The following CD3G variants were observed in gnomAD, a reference collection of about 807,000 sequenced individuals.
CD3G encodes the protein T-cell surface glycoprotein CD3 gamma chain.
CD3G carries 24 observed loss-of-function variants against 28.3 expected under a neutral mutation model. The observed-to-expected ratio is 0.85, with a 90% CI of 0.61 to 1.19. The LOEUF (loss-of-function observed/expected upper bound fraction) is 1.19, where lower values mean the gene tolerates loss of function less well. Ranked by LOEUF, CD3G falls within the 50% of genes most tolerant of loss-of-function variation. The probability of loss-of-function intolerance (pLI) is 0.00; values close to 1 mark genes in which losing one functional copy is unlikely to be tolerated. For synonymous variants in CD3G, 71 were observed against 75.9 expected (o/e 0.93, Z 0.34); for missense variants, 211 against 210.0 (o/e 1.00, Z -0.03).
In CD3G at chr11:118,353,379, A is replaced by G. The variant is rs1948425803; in HGVS notation, c.*279A>G. 6.6e-6 allele frequency: 1 copy of G among 152,182 alleles called. No homozygotes were observed. Among genetic ancestry groups the G allele is most frequent in the Non-Finnish European group, 1.5e-5 (1 of 68,040 alleles). 9.4% of individuals were successfully genotyped at this position (152,182 alleles called of 1,614,324 possible). A position where few individuals can be genotyped will look rare whatever the true frequency, so the allele number is the denominator to read the frequency against. The stretch of plus-strand genomic sequence containing the variant: ...ATCAAATAACCCCCTGGATTTGAAT[A>G]TAATTTTTTGTGTTGTAATTTTTAT... On this transcript the variant is annotated 3_prime_UTR_variant, in exon 7 of 7. Coordinates refer to ENST00000532917, the MANE Select transcript of CD3G (RefSeq NM_000073.3).
chr11:118,348,730 C>T, intron 1 of CD3G, among the ~76,000 whole-genome samples: 1 of 152,148 alleles, frequency 6.6e-6, no homozygotes, highest in East Asian at 1.9e-4. Context: ...TGCATAAACT[C>T]AGGTATGGTC....
At chr11:118,349,623 T>C in intron 2 of CD3G, 120 bp from the exon 3 acceptor site, 1 of 810,904 alleles carries the variant, frequency 1.2e-6, no homozygotes, top group South Asian at 1.5e-5. Flanking sequence ...AAGATCCCCA[T>C]GTGATTCATG....
intron 4 of CD3G, among the ~76,000 whole-genome samples, chr11:118,351,133 G>A (rs1948406309): frequency 7.0e-6 from 1 of 143,828 alleles, no homozygotes; most frequent in Non-Finnish European, 1.5e-5. Context: ...GCTTGCGTGA[G>A]CCGAGATCGT....
At chr11:118,352,532 C>A in intron 6 of CD3G, 45 bp downstream of exon 6, 3 of 1,287,856 alleles carry the variant, frequency 2.3e-6, no homozygotes, top group Non-Finnish European at 2.3e-6. Context: ...CTTGCATCAA[C>A]TGCCCTCGCA....
At chr11:118,351,600 G>C in intron 4 of CD3G, 28 bp from the exon 5 acceptor site, 1 of 1,612,836 alleles carries the variant, frequency 6.2e-7, no homozygotes, top group East Asian at 2.2e-5. Context: ...ATTCTACCTT[G>C]TGTGGATTCT....
intron 4 of CD3G, 69 bp from the exon 5 acceptor site, chr11:118,351,559 C>T: frequency 7.1e-7 from 1 of 1,402,744 alleles, no homozygotes; most frequent in Admixed American, 1.7e-5. Context: ...TTTAGTATTC[C>T]ATTTTGTGAA....
chr11:118,350,889 G>GAA (rs372079196), intron 4 of CD3G: 16,584 of 616,320 alleles, frequency 0.027, 340 homozygotes, highest in South Asian at 0.029. Flanking sequence ...CTCCCTCTGT[G>GAA]AAAAAAAAAA....
intron 4 of CD3G, among the ~76,000 whole-genome samples, chr11:118,351,251 A>G (rs1039659736): frequency 1.1e-4 from 16 of 144,810 alleles, no homozygotes; most frequent in Non-Finnish European, 3.0e-5. Context: ...AATCACAAGC[A>G]TACAGCTCAA....
intron 5 of CD3G, among the ~76,000 whole-genome samples, 167 bp from the exon 6 acceptor site, chr11:118,352,237 A>T (rs558284469): frequency 7.8e-4 from 119 of 151,720 alleles, no homozygotes; most frequent in African/African-American, 2.7e-3. Flanking sequence ...AGAGAGAGAG[A>T]GAAAAAGAAA....
chr11:118,351,624 G>A lies in CD3G; in HGVS notation c.440-4G>A, dbSNP rs1221979768. 6 of 1,613,552 alleles carry A rather than the reference G, an allele frequency of 3.7e-6. No homozygotes were observed. The highest frequency in any genetic ancestry group is 5.1e-6 in the Non-Finnish European group (6 of 1,179,850). On this transcript the variant is annotated splice_polypyrimidine_tract_variant and splice_region_variant and intron_variant, in intron 4 of 6. Coordinates refer to ENST00000532917, the MANE Select transcript of CD3G (RefSeq NM_000073.3). ...TGTGTGGATTCTGTTTCTTTTTTGT[G>A]CAGCTTCAGACAAGCAGACTCTGTT...
chr11:118,350,403 T>G (rs1295739426), intron 3 of CD3G, 149 bp from the exon 4 acceptor site: 3 of 731,990 alleles, frequency 4.1e-6, no homozygotes, highest in Non-Finnish European at 7.4e-6. Context: ...TGCATTGAGT[T>G]TTGGCGCAAG....
chr11:118,349,780 T>C lies in CD3G; in HGVS notation c.117T>C (p.Asp39=), dbSNP rs1175670939. The change falls in exon 3 of 7, where the codon GAT becomes GAC. Residue 39 remains aspartate (D), a synonymous_variant. Transcript: ENST00000532917. ...TTAAGGTGTATGACTATCAAGAAGA[T>C]GGTTCGGTACTTCTGACTTGTGATG... is the stretch of plus-strand genomic sequence containing the variant. ...HLVKVYDYQE[D]GSVLLTCDAE... 1 of 1,614,032 alleles carries C rather than the reference T, an allele frequency of 6.2e-7. No homozygotes were observed. Among genetic ancestry groups the C allele is most frequent in the Non-Finnish European group, 8.5e-7 (1 of 1,180,008 alleles).
chr11:118,348,107 G>A (rs1445037050), intron 1 of CD3G, among the ~76,000 whole-genome samples: 1 of 152,184 alleles, frequency 6.6e-6, no homozygotes, highest in Non-Finnish European at 1.5e-5. Flanking sequence ...GAGTGTTCTG[G>A]ACTGGATAGG....
At chr11:118,349,642 A>C in intron 2 of CD3G, 101 bp from the exon 3 acceptor site, 1 of 926,964 alleles carries the variant, frequency 1.1e-6, no homozygotes, top group East Asian at 2.5e-5. Context: ...TGTGCACATC[A>C]AAGTTTGAGA....
Position 118,344,372 on chromosome 11 carries a change from TGGC to T in CD3G, c.-51_-49del. 1 of 1,502,236 alleles carries T rather than the reference TGGC, an allele frequency of 6.7e-7. No homozygotes were observed. The highest frequency in any genetic ancestry group is 9.1e-7 in the Non-Finnish European group (1 of 1,101,884). The allele number at this position is 1,502,236 out of a possible 1,614,324, so 93.1% of individuals were successfully genotyped here. A position where few individuals can be genotyped will look rare whatever the true frequency, so the allele number is the denominator to read the frequency against. On this transcript the variant is annotated 5_prime_UTR_variant, in exon 1 of 7. Transcript: ENST00000532917. ...CTAGCTGCTGCACAGGCTGGCTGGC[TGGC>T]TGGCTGCTAAGGGCTGCTCCACGCT...
chr11:118,350,908 A>AAC, intron 4 of CD3G: 2 of 1,276,932 alleles, frequency 1.6e-6, no homozygotes, highest in Non-Finnish European at 2.0e-6. Context: ...AAAAAACAAA[A>AAC]ACAGGCGCAG....
intron 3 of CD3G, 84 bp downstream of exon 3, chr11:118,350,054 G>A: frequency 9.9e-7 from 1 of 1,005,828 alleles, no homozygotes; most frequent in Non-Finnish European, 1.6e-6. Context: ...GGTGAAAGTG[G>A]AAATAGATCC....
At chr11:118,349,580 C>T (rs1948386767) in intron 2 of CD3G, 163 bp from the exon 3 acceptor site, 2 of 701,488 alleles carry the variant, frequency 2.9e-6, no homozygotes, top group Admixed American at 2.3e-5. Flanking sequence ...TCTCCCCTCC[C>T]CAGAACTACT....
chr11:118,349,289 G>C, intron 2 of CD3G: 1 of 1,429,214 alleles, frequency 7.0e-7, no homozygotes, highest in Non-Finnish European at 9.1e-7. Context: ...AGTAGCTAGG[G>C]ACACATCTCA....
Sources: allele counts gnomAD v4.1 joint callset (sites outside exome capture counted in the v4.1 genomes callset), GRCh38; gene constraint gnomAD v4.1.1; transcripts MANE v1.5; gene names NCBI Gene and HGNC (gene_info 2026-07-23, HGNC 2026-07-21).